Variants in CSMD3 observed in about 807,000 individuals in gnomAD.
CSMD3 encodes CUB and Sushi multiple domains 3, also known as CUB and sushi domain-containing protein 3.
Under a neutral mutation model 435.2 loss-of-function variants are expected in CSMD3, and 177 were observed. The ratio of observed to expected loss-of-function variants is 0.41; its 90% CI spans 0.36 to 0.46. The LOEUF is 0.46. Ranked by LOEUF, CSMD3 falls within the 20% of genes least tolerant of loss-of-function variation. CSMD3 has a pLI of 0.34. For synonymous variants in CSMD3, 1,656 were observed against 1,520.5 expected, an observed-to-expected ratio of 1.09 and a Z score of -2.07; for missense variants, 4,265 against 4,504.6, an observed-to-expected ratio of 0.95 and a Z score of 1.52.
chr8:112,517,527 G>A (rs1266303096), intron 27 of CSMD3, among the ~76,000 whole-genome samples: 1 of 151,922 alleles, frequency 6.6e-6, no homozygotes. Flanking sequence ...CATATCCGCA[G>A]AGGACTTGTA....
intron 38 of CSMD3, among the ~76,000 whole-genome samples, chr8:112,354,952 A>G (rs950875182): frequency 4.6e-5 from 7 of 152,216 alleles, no homozygotes; most frequent in Admixed American, 3.9e-4. Context: ...ACTTCAAACT[A>G]TACTACAAGG....
chr8:112,665,215 T>G (rs1211364033), intron 17 of CSMD3, among the ~76,000 whole-genome samples: 1 of 152,162 alleles, frequency 6.6e-6, no homozygotes, highest in Admixed American at 6.6e-5. Context: ...CCTTTTTTTG[T>G]CTATAAATAC....
At chr8:113,356,285 A>G (rs1369430991) in intron 1 of CSMD3, among the ~76,000 whole-genome samples, 1 of 152,188 alleles carries the variant, frequency 6.6e-6, no homozygotes, top group Non-Finnish European at 1.5e-5. Flanking sequence ...AAATTAATGC[A>G]TAAAATGACC....
chr8:112,762,290 T>C (rs1005375433), intron 13 of CSMD3, among the ~76,000 whole-genome samples: 9 of 152,102 alleles, frequency 5.9e-5, no homozygotes, highest in Admixed American at 5.2e-4. Context: ...AAAATTCTTT[T>C]ACTTTTCATT....
chr8:113,297,042 T>C (rs953639568), intron 2 of CSMD3, among the ~76,000 whole-genome samples: 19 of 152,292 alleles, frequency 1.2e-4, no homozygotes, highest in Admixed American at 9.8e-4. Context: ...CTTTCTTGTA[T>C]GCTGTAAGAA....
chr8:112,990,795 CAT>C (rs2085428803), intron 6 of CSMD3, among the ~76,000 whole-genome samples: 1 of 151,764 alleles, frequency 6.6e-6, no homozygotes. Context: ...CATGAGAACC[CAT>C]ATGGACTTTA....
At chr8:113,185,210 T>C (rs1028162596) in intron 3 of CSMD3, among the ~76,000 whole-genome samples, 6 of 152,044 alleles carry the variant, frequency 3.9e-5, no homozygotes, top group African/African-American at 1.4e-4. Context: ...AGAAGGTTCT[T>C]TTTTGTGTGT....
chr8:112,252,679 G>GTATATATATATA (rs10542301), intron 63 of CSMD3, among the ~76,000 whole-genome samples: 1 of 141,440 alleles, frequency 7.1e-6, no homozygotes, highest in South Asian at 2.2e-4. Context: ...ATGTGTGTGT[G>GTATATATATATA]TATATATATA....
At chr8:112,530,558 C>T (rs1173175830) in intron 27 of CSMD3, among the ~76,000 whole-genome samples, 1 of 152,056 alleles carries the variant, frequency 6.6e-6, no homozygotes, top group Non-Finnish European at 1.5e-5. Flanking sequence ...AACTGTCTTT[C>T]AAAAATGAAG....
At chr8:112,293,482 G>A (rs1819976250) in intron 54 of CSMD3, among the ~76,000 whole-genome samples, 1 of 151,996 alleles carries the variant, frequency 6.6e-6, no homozygotes, top group Admixed American at 6.6e-5. Context: ...AAATTAATGT[G>A]ACTACATAAT....
At chr8:112,439,853 G>A (rs1814794170) in intron 32 of CSMD3, among the ~76,000 whole-genome samples, 2 of 127,566 alleles carry the variant, frequency 1.6e-5, no homozygotes, top group Admixed American at 1.7e-4. Context: ...TCAGTCACCT[G>A]CCACTAGGTC....
At chr8:112,269,679 T>G (rs1351212576) in intron 59 of CSMD3, among the ~76,000 whole-genome samples, 7 of 152,170 alleles carry the variant, frequency 4.6e-5, no homozygotes, top group Non-Finnish European at 8.8e-5. Context: ...CATTTTGTAC[T>G]GACAAAAAAA....
At chr8:112,346,926 G>A (rs1224344585) in intron 40 of CSMD3, among the ~76,000 whole-genome samples, 2 of 151,794 alleles carry the variant, frequency 1.3e-5, no homozygotes, top group Non-Finnish European at 2.9e-5. Flanking sequence ...TGATCCGCCC[G>A]CCCAGGCCTC....
intron 3 of CSMD3, among the ~76,000 whole-genome samples, chr8:113,258,075 G>A (rs2093397967): frequency 6.6e-6 from 1 of 152,122 alleles, no homozygotes; most frequent in African/African-American, 2.4e-5. Flanking sequence ...CTGAAGAATT[G>A]TTTATGACAA....
intron 20 of CSMD3, 69 bp from the exon 21 acceptor site, chr8:112,638,980 T>A: frequency 9.4e-7 from 1 of 1,065,592 alleles, no homozygotes; most frequent in Non-Finnish European, 1.4e-6. Flanking sequence ...ACTGTCAAAC[T>A]AACTATTAGC....
At chr8:113,275,970 G>T (rs1210001317) in intron 3 of CSMD3, among the ~76,000 whole-genome samples, 1 of 152,028 alleles carries the variant, frequency 6.6e-6, no homozygotes, top group African/African-American at 2.4e-5. Flanking sequence ...AAAAAAACTG[G>T]ATCCAAATGC....
intron 36 of CSMD3, among the ~76,000 whole-genome samples, chr8:112,385,866 T>C (rs770514858): frequency 1.5e-4 from 23 of 152,164 alleles, no homozygotes; most frequent in Non-Finnish European, 3.2e-4. Flanking sequence ...TCTGGATACA[T>C]GTGTCTAGTG....
chr8:112,433,663 A>AAAAG (rs1813982604), intron 32 of CSMD3, among the ~76,000 whole-genome samples: 1 of 150,518 alleles, frequency 6.6e-6, no homozygotes, highest in Non-Finnish European at 1.5e-5. Context: ...TCAAAAAAAA[A>AAAAG]AAAAAAAAAG....
At chr8:112,903,670 T>C (rs983470722) in intron 10 of CSMD3, among the ~76,000 whole-genome samples, 4 of 151,292 alleles carry the variant, frequency 2.6e-5, no homozygotes, top group African/African-American at 9.7e-5. Context: ...TTTAACTTAT[T>C]GATAGGTCTC....
Sources: gnomAD v4.1 joint callset for allele counts (sites outside exome capture counted in the v4.1 genomes callset) on GRCh38, gnomAD v4.1.1 for gene constraint, MANE v1.5 for transcripts, NCBI Gene and HGNC (gene_info 2026-07-23, HGNC 2026-07-21) for gene names.